Variants in ATRX observed in about 807,000 individuals in gnomAD.
ATRX encodes chromatin remodeler ATRX.
A neutral mutation model predicts 172.6 loss-of-function variants in ATRX; 12 were observed. The observed-to-expected ratio is 0.07, with a 90% CI of 0.04 to 0.11. The LOEUF is 0.11. Among genes scored for constraint, ATRX ranks in the 10% least tolerant of loss-of-function variants. ATRX has a pLI of 1.00. For missense variants in ATRX, 1,368 were observed against 1,767.4 expected (o/e 0.77, Z 4.05); for synonymous variants, 674 against 594.7 (o/e 1.13, Z -1.94).
chrX:77,572,445 A>G (rs2065450600), intron 28 of ATRX, among the ~76,000 whole-genome samples: 1 of 111,669 alleles, frequency 9.0e-6, no homozygotes, highest in Non-Finnish European at 1.9e-5. Context: ...CTCAACCAGT[A>G]TATGCCTGAA....
chrX:77,704,372 T>A (rs1280887273), intron 2 of ATRX, among the ~76,000 whole-genome samples: 1 of 111,766 alleles, frequency 8.9e-6, no homozygotes, highest in Admixed American at 9.5e-5. Flanking sequence ...TTTATGGGCC[T>A]CAGAGGGGAG....
chrX:77,562,371 TG>T (rs2065049034), intron 28 of ATRX, among the ~76,000 whole-genome samples: 2 of 112,141 alleles, frequency 1.8e-5, no homozygotes, highest in South Asian at 7.4e-4. Flanking sequence ...TGTTTAGTTT[TG>T]TTTTTTTAAA....
At chrX:77,525,715 T>A (rs1367117450) in intron 30 of ATRX, among the ~76,000 whole-genome samples, 1 of 112,214 alleles carries the variant, frequency 8.9e-6, no homozygotes, top group Non-Finnish European at 1.9e-5. Flanking sequence ...TTAGTCTAGC[T>A]ATGACTGTAA....
chrX:77,756,577 T>C (rs1557190320), intron 1 of ATRX, among the ~76,000 whole-genome samples: 1 of 110,079 alleles, frequency 9.1e-6, no homozygotes, highest in African/African-American at 3.3e-5. Context: ...ACGGGTTCCT[T>C]TGGCTTGGGG....
chrX:77,735,110 T>A (rs1316692460), intron 1 of ATRX, among the ~76,000 whole-genome samples: 4 of 109,172 alleles, frequency 3.7e-5, no homozygotes, highest in South Asian at 3.8e-4. Flanking sequence ...ATAAAATAAA[T>A]AAAAATAAAT....
chrX:77,773,014 AT>A lies in ATRX; in HGVS notation c.20+12967del, dbSNP rs781825946. ...AGTTGTGCACCACCACACCTGGCTA[AT>A]TTTTTTTTTTTTTTTGAGACAGAGT... On this transcript the variant is annotated intron_variant, in intron 1 of 34. Transcript: ENST00000373344. Among the ~76,000 whole-genome samples, 413 of 80,265 alleles carry A rather than the reference AT, an allele frequency of 5.1e-3. 1 individual carries two copies. Among genetic ancestry groups the A allele is most frequent in the African/African-American group, 0.015 (311 of 20,882 alleles). 69.7% of individuals were successfully genotyped at this position (80,265 alleles called of 115,157 possible).
At chrX:77,649,136 C>T (rs782676741) in intron 15 of ATRX, among the ~76,000 whole-genome samples, 1 of 108,916 alleles carries the variant, frequency 9.2e-6, no homozygotes, top group Non-Finnish European at 1.9e-5. Flanking sequence ...AGCACTCTAG[C>T]CTGAGAGACA....
At chrX:77,703,809 G>C (rs1331911977) in intron 2 of ATRX, among the ~76,000 whole-genome samples, 1 of 111,806 alleles carries the variant, frequency 8.9e-6, no homozygotes, top group African/African-American at 3.3e-5. Context: ...CAGCTCAGAG[G>C]AAACCCAAAG....
chrX:77,535,276 C>G (rs1385768765), intron 30 of ATRX, among the ~76,000 whole-genome samples: 1 of 111,460 alleles, frequency 9.0e-6, no homozygotes, highest in Non-Finnish European at 1.9e-5. Flanking sequence ...ATCCAGATTC[C>G]CAAATTGTTG....
At chrX:77,610,470 G>C (rs782002029) in intron 22 of ATRX, among the ~76,000 whole-genome samples, 9 of 111,697 alleles carry the variant, frequency 8.1e-5, no homozygotes, top group Non-Finnish European at 1.1e-4. Flanking sequence ...GAGATCTTGA[G>C]ACGTGGTTGA....
intron 28 of ATRX, among the ~76,000 whole-genome samples, chrX:77,566,824 T>G (rs1182148717): frequency 8.9e-6 from 1 of 111,878 alleles, no homozygotes; most frequent in African/African-American, 3.2e-5. Context: ...ACTGAAACAT[T>G]AGGGAGAAGT....
chrX:77,523,745 G>A (rs1238899193), intron 30 of ATRX, among the ~76,000 whole-genome samples: 3 of 111,299 alleles, frequency 2.7e-5, no homozygotes, highest in Non-Finnish European at 5.7e-5. Flanking sequence ...TTAAATTAGT[G>A]ACTATATTGG....
At chrX:77,739,081 C>T (rs938588947) in intron 1 of ATRX, among the ~76,000 whole-genome samples, 19 of 110,233 alleles carry the variant, frequency 1.7e-4, no homozygotes, top group African/African-American at 5.6e-4. Flanking sequence ...TTTGTTGCAC[C>T]CATCTCCCAA....
At chrX:77,593,961 G>A (rs982659003) in intron 25 of ATRX, 112 bp from the exon 26 acceptor site, 10 of 701,793 alleles carry the variant, frequency 1.4e-5, no homozygotes, top group Non-Finnish European at 8.6e-6. Flanking sequence ...AACTGATGGG[G>A]ACTTGGGAGA....
intron 1 of ATRX, among the ~76,000 whole-genome samples, chrX:77,780,528 C>T (rs1250699857): frequency 1.8e-5 from 2 of 109,109 alleles, no homozygotes; most frequent in Non-Finnish European, 3.8e-5. Context: ...TGGGGTTTCA[C>T]CATCTTGGCC....
rs782748763 is a variant in ATRX at position 77,711,901 on chromosome X, C to G, written c.133+5230G>C. On this transcript the variant is annotated intron_variant, in intron 2 of 34. Transcript: ENST00000373344. ...TTGAAATGAAACTCCAAACCCTTTC[C>G]ACCCTGTAGTACCAAACAACTCAAA... Among the ~76,000 whole-genome samples the G allele has an allele frequency of 1.2e-4, 14 of 112,301 alleles. No individual in the cohort carries two copies. In the South Asian group the frequency reaches 5.2e-3, roughly 41 times the overall value.
rs182442413 is a variant in ATRX at position 77,538,003 on chromosome X, T to G, written c.6700-14602A>C. On this transcript the variant is annotated intron_variant, in intron 30 of 34. Coordinates refer to ENST00000373344, the MANE Select transcript of ATRX (RefSeq NM_000489.6). ...GAATGATGAGAACACATGAACACGT[T>G]GAAGGGAACAACACACGCTAGGGAC... is the stretch of plus-strand genomic sequence containing the variant. Among the ~76,000 whole-genome samples, 44 of 110,431 alleles carry G rather than the reference T, an allele frequency of 4.0e-4. No homozygotes were observed. The East Asian group carries it at 0.01, about 26-fold the overall frequency.
intron 20 of ATRX, among the ~76,000 whole-genome samples, chrX:77,619,951 T>C (rs1355340054): frequency 8.9e-6 from 1 of 111,817 alleles, no homozygotes; most frequent in African/African-American, 3.2e-5. Flanking sequence ...CTCAGCAAAC[T>C]GTCCTGCCAT....
intron 32 of ATRX, 82 bp from the exon 33 acceptor site, chrX:77,521,580 CT>C: frequency 1.4e-6 from 1 of 740,052 alleles, no homozygotes; most frequent in Non-Finnish European, 2.1e-6. Context: ...CATTTGCCAA[CT>C]TAGAGCAGTC....
Sources: gnomAD v4.1 joint callset for allele counts (sites outside exome capture counted in the v4.1 genomes callset) on GRCh38, gnomAD v4.1.1 for gene constraint, MANE v1.5 for transcripts, NCBI Gene and HGNC (gene_info 2026-07-23, HGNC 2026-07-21) for gene names.